PTPRF: variants seen among roughly 807,000 people sequenced by gnomAD.
PTPRF encodes receptor-type tyrosine-protein phosphatase F.
A neutral mutation model predicts 201.8 loss-of-function variants in PTPRF; 59 were observed. The ratio of observed to expected loss-of-function variants is 0.29; its 90% CI spans 0.24 to 0.36. The LOEUF (loss-of-function observed/expected upper bound fraction) is 0.36. Ranked by LOEUF, PTPRF falls within the 10% of genes least tolerant of loss-of-function variation. The pLI is 1.00. For missense variants in PTPRF, 2,132 were observed against 2,690.5 expected (o/e 0.79, Z 4.59); for synonymous variants, 1,088 against 1,089.7 (o/e 1.00, Z 0.03).
intron 5 of PTPRF, among the ~76,000 whole-genome samples, chr1:43,560,708 C>G (rs1021033388): frequency 2.0e-5 from 3 of 152,170 alleles, no homozygotes; most frequent in East Asian, 1.9e-4. Context: ...TCTGGCTGAG[C>G]TGTTCTCAGC....
At chr1:43,594,589 C>T (rs1453813959) in intron 11 of PTPRF, among the ~76,000 whole-genome samples, 2 of 152,034 alleles carry the variant, frequency 1.3e-5, no homozygotes, top group Admixed American at 6.5e-5. Context: ...AAGATGGTGG[C>T]GCAGGTGAGG....
chr1:43,560,525 AGCAGG>A (rs1645733421), intron 5 of PTPRF, among the ~76,000 whole-genome samples: 1 of 152,134 alleles, frequency 6.6e-6, no homozygotes, highest in Non-Finnish European at 1.5e-5. Flanking sequence ...TGTGGGCAGC[AGCAGG>A]AGTGGGCAGC....
chr1:43,555,442 CTTTTTTTT>C (rs986469997), intron 5 of PTPRF, among the ~76,000 whole-genome samples: 1 of 115,568 alleles, frequency 8.7e-6, no homozygotes, highest in Non-Finnish European at 1.8e-5. Flanking sequence ...TATCATTATT[CTTTTTTTT>C]TTTTTTTTTT....
chr1:43,525,056 C>G (rs1250000961), upstream of PTPRF: 1 of 152,136 alleles, frequency 6.6e-6, no homozygotes, highest in Non-Finnish European at 1.5e-5. Flanking sequence ...TTTTGCCAGA[C>G]AGATATGATA....
intron 13 of PTPRF, among the ~76,000 whole-genome samples, chr1:43,601,172 G>C (rs1653652802): frequency 6.6e-6 from 1 of 152,226 alleles, no homozygotes; most frequent in Non-Finnish European, 1.5e-5. Flanking sequence ...GGCACTGTGG[G>C]GGTGCTTGGG....
At chr1:43,572,065 C>A (rs1646610325) in intron 6 of PTPRF, among the ~76,000 whole-genome samples, 1 of 152,202 alleles carries the variant, frequency 6.6e-6, no homozygotes, top group Admixed American at 6.5e-5. Flanking sequence ...TGGTCCTTGC[C>A]CACCTCCGGC....
At chr1:43,587,079 C>T (rs1462008682) in intron 7 of PTPRF, among the ~76,000 whole-genome samples, 1 of 152,148 alleles carries the variant, frequency 6.6e-6, no homozygotes, top group Non-Finnish European at 1.5e-5. Flanking sequence ...CTGGGGCTGC[C>T]AGGGTTTGGG....
chr1:43,606,950 C>T lies in PTPRF; in HGVS notation c.3839C>T (p.Ala1280Val), dbSNP rs2154026868. ...ATCCTCATCATCCTCATTGTCATCGCCATCCTCTTGTTCAAAAGGTGAGCA... is the reference window on the plus strand; with the variant it reads ...ATCCTCATCATCCTCATTGTCATCGTCATCCTCTTGTTCAAAAGGTGAGCA... ...AVILIILIVIAILLFKRKRTH... is the reference protein window; with the variant it reads ...AVILIILIVIVILLFKRKRTH... Residue 1280 changes from alanine (A) to valine (V), a missense_variant, in exon 21 of 34, where the codon GCC becomes GTC. Coordinates refer to ENST00000359947, the MANE Select transcript of PTPRF (RefSeq NM_002840.5). The T allele has an allele frequency of 6.2e-7, 1 of 1,614,132 alleles. No individual in the cohort carries two copies. The highest frequency in any genetic ancestry group is 1.1e-5 in the South Asian group (1 of 91,076).
upstream of PTPRF, among the ~76,000 whole-genome samples, chr1:43,529,963 TAGTC>T (rs773502245): frequency 5.6e-4 from 85 of 152,140 alleles, no homozygotes; most frequent in Non-Finnish European, 8.8e-4. Context: ...ATTGGGGTAT[TAGTC>T]AGTCTCTGCT....
chr1:43,585,679 C>T (rs1033023687), intron 7 of PTPRF, among the ~76,000 whole-genome samples: 4 of 152,312 alleles, frequency 2.6e-5, no homozygotes, highest in South Asian at 2.1e-4. Context: ...TGGCTCAGGG[C>T]GTTGGCCTGA....
At chr1:43,555,103 C>T (rs1042381451) in intron 5 of PTPRF, among the ~76,000 whole-genome samples, 4 of 152,154 alleles carry the variant, frequency 2.6e-5, no homozygotes, top group African/African-American at 9.7e-5. Context: ...CCGCCTGCCT[C>T]AGCCTCCCAA....
At chr1:43,590,086 C>T (rs1176145676) in intron 8 of PTPRF, among the ~76,000 whole-genome samples, 1 of 152,170 alleles carries the variant, frequency 6.6e-6, no homozygotes, top group African/African-American at 2.4e-5. Flanking sequence ...CACTGGCTTC[C>T]CACCCTGTCA....
intron 12 of PTPRF, chr1:43,598,347 TA>T: frequency 2.2e-6 from 1 of 458,616 alleles, no homozygotes; most frequent in Middle Eastern, 5.5e-4. Context: ...ATACTCAAAG[TA>T]GAATCAGCAA....
intron 31 of PTPRF, 68 bp downstream of exon 31, chr1:43,620,647 T>A: frequency 6.3e-7 from 1 of 1,582,292 alleles, no homozygotes; most frequent in Non-Finnish European, 8.6e-7. Context: ...GCTGCCTGCA[T>A]GGTACCTTAG....
chr1:43,613,298 C>T lies in PTPRF; in HGVS notation c.3974-320C>T, dbSNP rs1345824754. On this transcript the variant is annotated intron_variant, in intron 22 of 33. Transcript: ENST00000359947. ...CAGCTCCTGTCACGTCTGCTGCCAC[C>T]GACCTGGGCGTCCCACCCCTCCTGG... The T allele has an allele frequency of 1.2e-5, 4 of 347,796 alleles. No individual in the cohort carries two copies. In the Admixed American group the frequency reaches 1.2e-4, roughly 11 times the overall value. 21.5% of individuals were successfully genotyped at this position (347,796 alleles called of 1,614,324 possible). A position where few individuals can be genotyped will look rare whatever the true frequency, so the allele number is the denominator to read the frequency against.
Position 43,620,188 on chromosome 1 carries a change from C to T in PTPRF, c.5205C>T (p.Ile1735=). ...RMLWEHNSTI[I]VMLTKLREMG... is the part of the protein sequence containing the mutation. ...TATGGGAGCACAATTCCACCATCATCGTCATGCTGACCAAGCTTCGGGAGA... is the reference window on the plus strand; with the variant it reads ...TATGGGAGCACAATTCCACCATCATTGTCATGCTGACCAAGCTTCGGGAGA... The change falls in exon 30 of 34, where the codon ATC becomes ATT. Residue 1735 remains isoleucine (I), a synonymous_variant. Transcript: ENST00000359947. 12 of 1,614,082 alleles carry T rather than the reference C, an allele frequency of 7.4e-6. No individual in the cohort carries two copies. Among genetic ancestry groups the T allele is most frequent in the South Asian group, 2.2e-5 (2 of 91,092 alleles).
At chr1:43,610,026 T>C (rs1419564165) in intron 22 of PTPRF, among the ~76,000 whole-genome samples, 1 of 152,172 alleles carries the variant, frequency 6.6e-6, no homozygotes, top group African/African-American at 2.4e-5. Flanking sequence ...CTACCTGAAA[T>C]GTTACTCCTC....
rs1438768947 is a variant in PTPRF at position 43,619,741 on chromosome 1, A to C, written c.4994A>C (p.Lys1665Thr). Residue 1665 changes from lysine to threonine, a missense_variant, in exon 29 of 34, where the codon AAG (lysine) becomes ACG (threonine). Transcript: ENST00000359947. ...RFISANLPCN[K>T]FKNRLVNIMP... is the part of the protein sequence containing the mutation. ...ATCAGCGCCAACCTGCCCTGCAACA[A>C]GTTCAAGAACCGGCTGGTGAACATC... 6.2e-7 allele frequency: 1 copy of C among 1,614,244 alleles called. No homozygotes were observed. The highest frequency in any genetic ancestry group is 1.7e-5 in the Admixed American group (1 of 60,030).
intron 7 of PTPRF, among the ~76,000 whole-genome samples, chr1:43,581,026 G>C (rs1245606328): frequency 6.6e-6 from 1 of 152,256 alleles, no homozygotes; most frequent in Non-Finnish European, 1.5e-5. Flanking sequence ...ACTGGCCCCA[G>C]CCCTGGAGGC....
Sources: allele counts gnomAD v4.1 joint callset (sites outside exome capture counted in the v4.1 genomes callset), GRCh38; gene constraint gnomAD v4.1.1; transcripts MANE v1.5; gene names NCBI Gene and HGNC (gene_info 2026-07-23, HGNC 2026-07-21).